ZC3H11A: variants seen among roughly 807,000 people sequenced by gnomAD.
ZC3H11A encodes zinc finger CCCH-type containing 11A, also known as zinc finger CCCH domain-containing protein 11A.
In ZC3H11A, 22 loss-of-function variants were observed where a neutral mutation model predicts 90.8. The observed-to-expected ratio is 0.24, with a 90% CI of 0.17 to 0.35. The LOEUF (loss-of-function observed/expected upper bound fraction) is 0.35, where lower values mean the gene tolerates loss of function less well. ZC3H11A is among the 10% of genes least tolerant of loss of function. The pLI is 1.00. For synonymous variants in ZC3H11A, 294 were observed against 339.8 expected, an observed-to-expected ratio of 0.87 and a Z score of 1.48; for missense variants, 701 against 964.9, an observed-to-expected ratio of 0.73 and a Z score of 3.62.
chr1:203,850,613 A>C lies in ZC3H11A; in HGVS notation c.2038A>C (p.Ile680Leu). 1 of 1,614,158 alleles carries C rather than the reference A, an allele frequency of 6.2e-7. No individual in the cohort carries two copies. The change falls in exon 16 of 18, where the codon ATT becomes CTT. Residue 680 changes from isoleucine (I) to leucine (L), a missense_variant. By Grantham distance (5) the Ile-to-Leu change is conservative. Transcript: ENST00000367210. ...GGCAGTGGAGATGCACGCTGCTGTC[A>C]TTGCCGCTGTGAAGCCACTCAGCTC... is the stretch of plus-strand genomic sequence containing the variant. ...RKAVEMHAAVIAAVKPLSSSS... is the reference protein window; with the variant it reads ...RKAVEMHAAVLAAVKPLSSSS...
chr1:203,840,271 C>T (rs1685694062), intron 11 of ZC3H11A, 35 bp from the exon 12 acceptor site: 2 of 1,601,598 alleles, frequency 1.2e-6, no homozygotes, highest in Non-Finnish European at 1.7e-6. Context: ...AGTTTCTGTT[C>T]AACTTTTGAT....
At chr1:203,805,540 A>T in intron 2 of ZC3H11A, 1 of 558,710 alleles carries the variant, frequency 1.8e-6, no homozygotes, top group Non-Finnish European at 3.6e-6. Flanking sequence ...ACAGAAACGT[A>T]TCTGTTACGG....
At chr1:203,846,898 G>A (rs1688054548) in intron 12 of ZC3H11A, among the ~76,000 whole-genome samples, 2 of 151,944 alleles carry the variant, frequency 1.3e-5, no homozygotes, top group African/African-American at 4.8e-5. Flanking sequence ...CAGCTACTTG[G>A]GAGGCTGAGG....
intron 10 of ZC3H11A, chr1:203,835,488 T>C (rs1270265544): frequency 6.4e-6 from 1 of 156,608 alleles, no homozygotes; most frequent in Non-Finnish European, 1.4e-5. Context: ...CAAGAAACAA[T>C]AACAGTTCTA....
chr1:203,797,656 A>T, intron 1 of ZC3H11A: 2 of 1,536,056 alleles, frequency 1.3e-6, no homozygotes, highest in Non-Finnish European at 1.7e-6. Context: ...GTGGTAGAGG[A>T]AAAGATGGTA....
chr1:203,816,310 A>G (rs1052421388), intron 2 of ZC3H11A, among the ~76,000 whole-genome samples: 7 of 152,192 alleles, frequency 4.6e-5, no homozygotes, highest in African/African-American at 1.7e-4. Context: ...ACATATATAC[A>G]TACATATATA....
chr1:203,806,193 C>T, intron 2 of ZC3H11A: 2 of 456,972 alleles, frequency 4.4e-6, no homozygotes, highest in Non-Finnish European at 8.6e-6. Context: ...CCCTGCTGTC[C>T]ACCATGCCAA....
At chr1:203,835,879 C>A in intron 10 of ZC3H11A, 1 of 246,690 alleles carries the variant, frequency 4.1e-6, no homozygotes. Context: ...TTATAGCCAG[C>A]AAAAATGCCC....
At chr1:203,809,172 G>T (rs1378504081) in intron 2 of ZC3H11A, among the ~76,000 whole-genome samples, 27 of 83,252 alleles carry the variant, frequency 3.2e-4, no homozygotes, top group East Asian at 1.2e-3. Context: ...TCTTCTCACT[G>T]TTTTTTTTTT....
At chr1:203,819,358 A>T (rs1392952543) in intron 4 of ZC3H11A, among the ~76,000 whole-genome samples, 1 of 148,986 alleles carries the variant, frequency 6.7e-6, no homozygotes, top group Non-Finnish European at 1.5e-5. Flanking sequence ...AGTAGCTGGG[A>T]TTACAGGCAC....
chr1:203,812,792 A>G (rs1199943440), intron 2 of ZC3H11A, among the ~76,000 whole-genome samples: 1 of 151,678 alleles, frequency 6.6e-6, no homozygotes, highest in African/African-American at 2.4e-5. Context: ...ATGTTTGCCA[A>G]GCTCGTCTTG....
chr1:203,810,456 G>C, intron 2 of ZC3H11A, among the ~76,000 whole-genome samples: 1 of 136,660 alleles, frequency 7.3e-6, no homozygotes, highest in East Asian at 2.3e-4. Flanking sequence ...GTCTCACTCT[G>C]TCGCCCAGGC....
At chr1:203,799,226 T>A (rs1485040085) in intron 1 of ZC3H11A, 3 of 886,230 alleles carry the variant, frequency 3.4e-6, no homozygotes, top group Non-Finnish European at 5.4e-6. Context: ...ATTCCTCTAA[T>A]GTGGTACATG....
At chr1:203,837,697 C>T (rs768182018) in intron 10 of ZC3H11A, among the ~76,000 whole-genome samples, 1 of 152,036 alleles carries the variant, frequency 6.6e-6, no homozygotes, top group Non-Finnish European at 1.5e-5. Flanking sequence ...AGGCTGGTCT[C>T]GAACTCCTGG....
intron 3 of ZC3H11A, among the ~76,000 whole-genome samples, chr1:203,817,612 T>G (rs541635151): frequency 6.6e-6 from 1 of 152,118 alleles, no homozygotes; most frequent in African/African-American, 2.4e-5. Flanking sequence ...TTTTTTGGCT[T>G]AATCTTTGTC....
At chr1:203,851,282 C>T (rs970225989) in intron 17 of ZC3H11A, among the ~76,000 whole-genome samples, 158 bp downstream of exon 17, 1 of 152,178 alleles carries the variant, frequency 6.6e-6, no homozygotes, top group Non-Finnish European at 1.5e-5. Flanking sequence ...GGTTGCTGTT[C>T]TTCTTTGGTG....
chr1:203,817,632 G>T (rs1393724491), intron 3 of ZC3H11A, among the ~76,000 whole-genome samples: 1 of 151,752 alleles, frequency 6.6e-6, no homozygotes, highest in Non-Finnish European at 1.5e-5. Flanking sequence ...CAAAACTTCT[G>T]TTTTTCTCCT....
intron 12 of ZC3H11A, among the ~76,000 whole-genome samples, chr1:203,844,473 C>T (rs142075250): frequency 1.5e-4 from 23 of 152,292 alleles, no homozygotes; most frequent in Non-Finnish European, 3.2e-4. Context: ...CTGGCCTGCT[C>T]TGGGATTTCT....
At chr1:203,840,605 ATTATTTATTTATTTAT>A (rs534962124) in intron 12 of ZC3H11A, among the ~76,000 whole-genome samples, 7 of 147,596 alleles carry the variant, frequency 4.7e-5, no homozygotes, top group Admixed American at 2.0e-4. Flanking sequence ...ATAGTAGGAA[ATTATTTATTTATTTAT>A]TTATTTATTT....
Sources: gnomAD v4.1 joint callset for allele counts (sites outside exome capture counted in the v4.1 genomes callset) on GRCh38, gnomAD v4.1.1 for gene constraint, MANE v1.5 for transcripts, NCBI Gene and HGNC (gene_info 2026-07-23, HGNC 2026-07-21) for gene names.